NPR2: variants seen among roughly 807,000 people sequenced by gnomAD.
NPR2 encodes atrial natriuretic peptide receptor 2.
NPR2 carries 49 observed loss-of-function variants against 120.7 expected under a neutral mutation model. The observed-to-expected ratio is 0.41, with a 90% CI of 0.32 to 0.52. NPR2 has a LOEUF of 0.52. Ranked by LOEUF, NPR2 falls within the 20% of genes least tolerant of loss-of-function variation. NPR2 has a pLI of 0.36. For missense variants in NPR2, 931 were observed against 1,362.9 expected (o/e 0.68, Z 4.99); for synonymous variants, 484 against 519.8 (o/e 0.93, Z 0.94).
At position 35,800,999 on chromosome 9, in the gene NPR2, C is replaced by T. The variant is rs1461575751; in HGVS notation, c.1352-71C>T. 3.3e-6 allele frequency: 5 copies of T among 1,513,916 alleles called. No homozygotes were observed. In the African/African-American group the frequency reaches 5.5e-5, roughly 17 times the overall value. The allele number at this position is 1,513,916 out of a possible 1,614,324, so 93.8% of individuals were successfully genotyped here. A position where few individuals can be genotyped will look rare whatever the true frequency, so the allele number is the denominator to read the frequency against. On this transcript the variant is annotated intron_variant, in intron 6 of 21. Coordinates refer to ENST00000342694, the MANE Select transcript of NPR2 (RefSeq NM_003995.4). This position sits in a 1 kb window ranked among gnomAD's most constrained non-coding sequence, Gnocchi z 4.7. ...TACTCCCAAGGAGTCTGTCTATGCA[C>T]CTATGCACCCCGTTCTCCATTCTGC...
At position 35,806,244 on chromosome 9, in the gene NPR2, A is replaced by G; in HGVS notation, c.2372+11A>G. 6.2e-7 allele frequency: 1 copy of G among 1,614,094 alleles called. No individual in the cohort carries two copies. The highest frequency in any genetic ancestry group is 8.5e-7 in the Non-Finnish European group (1 of 1,179,998). On this transcript the variant is annotated intron_variant, in intron 15 of 21. Transcript: ENST00000342694. The surrounding 1 kb of genome is among the most constrained non-coding windows in gnomAD (Gnocchi z 4.6). ...TCGGCGCTTTAACAAGTGAGAGGGCATTATGGGGCAGGGGCTTCCCAGGGA... is the reference window on the plus strand; with the variant it reads ...TCGGCGCTTTAACAAGTGAGAGGGCGTTATGGGGCAGGGGCTTCCCAGGGA...
intron 2 of NPR2, among the ~76,000 whole-genome samples, chr9:35,797,101 G>T (rs1035822555): frequency 6.6e-5 from 10 of 152,174 alleles, no homozygotes; most frequent in African/African-American, 2.4e-4. Flanking sequence ...CCAGGGCAGG[G>T]ATCATGCTCA....
chr9:35,798,016 G>C (rs1351092863), intron 2 of NPR2, among the ~76,000 whole-genome samples: 1 of 152,114 alleles, frequency 6.6e-6, no homozygotes, highest in East Asian at 1.9e-4. Context: ...TAATTTCTAA[G>C]ATGGTCAATA....
In NPR2 at chr9:35,800,673, G is replaced by A. The variant is rs745308371; in HGVS notation, c.1219-36G>A. 5.0e-6 allele frequency: 8 copies of A among 1,613,984 alleles called. No homozygotes were observed. The highest frequency in any genetic ancestry group is 6.8e-6 in the Non-Finnish European group (8 of 1,180,010). ...GGGTCTGGGGAGGAGGCTGGTGGGA[G>A]CAGGCCTGTGGGCCCAGCTTTTTGC... On this transcript the variant is annotated intron_variant, in intron 5 of 21. Coordinates refer to ENST00000342694, the MANE Select transcript of NPR2 (RefSeq NM_003995.4). The surrounding 1 kb of genome is among the most constrained non-coding windows in gnomAD (Gnocchi z 4.7).
At chr9:35,798,190 C>T (rs1466527074) in intron 2 of NPR2, among the ~76,000 whole-genome samples, 1 of 152,218 alleles carries the variant, frequency 6.6e-6, no homozygotes, top group Non-Finnish European at 1.5e-5. Flanking sequence ...AACCTATCAT[C>T]AGCCTTTATT....
chr9:35,799,598 C>G lies in NPR2; in HGVS notation c.874-20C>G. On this transcript the variant is annotated intron_variant, in intron 2 of 21. Transcript: ENST00000342694. ...CTATCTTGAATCCTGTTCACTCTTCCCCATATGCTGCTGGTACAGACTGTA... is the reference window on the plus strand; with the variant it reads ...CTATCTTGAATCCTGTTCACTCTTCGCCATATGCTGCTGGTACAGACTGTA... 6.5e-7 allele frequency: 1 copy of G among 1,542,352 alleles called. No homozygotes were observed. The highest frequency in any genetic ancestry group is 9.0e-7 in the Non-Finnish European group (1 of 1,114,732).
rs769661213 is a variant in NPR2 at position 35,805,579 on chromosome 9, G to T, written c.1956G>T (p.Val652=). The T allele has an allele frequency of 3.7e-6, 6 of 1,614,144 alleles. No homozygotes were observed. The Admixed American group carries it at 8.3e-5, about 22-fold the overall frequency. Residue 652 remains valine, a synonymous_variant, in exon 13 of 22, where the codon GTG becomes GTT. Coordinates refer to ENST00000342694, the MANE Select transcript of NPR2 (RefSeq NM_003995.4). The surrounding 1 kb of genome is among the most constrained non-coding windows in gnomAD (Gnocchi z 4.9). The part of the protein sequence containing the change: ...HGSLKSSNCV[V]DSRFVLKITD... ...GTCTCAAGTCCTCCAACTGTGTGGT[G>T]GATAGTCGTTTTGTGCTCAAAATCA...
At position 35,800,702 on chromosome 9, in the gene NPR2, CT is replaced by C. The variant is rs771036010; in HGVS notation, c.1219-5del. The C allele has an allele frequency of 6.2e-7, 1 of 1,614,126 alleles. No individual in the cohort carries two copies. ...GCCTGTGGGCCCAGCTTTTTGCTTC[CT>C]TACAGCCTGCAGCCCACTACTCGGG... On this transcript the variant is annotated splice_polypyrimidine_tract_variant and splice_region_variant and intron_variant, in intron 5 of 21. Transcript: ENST00000342694. This position sits in a 1 kb window ranked among gnomAD's most constrained non-coding sequence, Gnocchi z 4.7.
chr9:35,807,634 A>T (rs1828474987), intron 18 of NPR2, among the ~76,000 whole-genome samples: 1 of 152,194 alleles, frequency 6.6e-6, no homozygotes, highest in African/African-American at 2.4e-5. Context: ...AACCATCATG[A>T]GATTTAGCTC....
In NPR2 at chr9:35,792,615, C is replaced by G. The variant is rs1174841168; in HGVS notation, c.207C>G (p.Ser69=). The change falls in exon 1 of 22, where the codon TCC becomes TCG. Residue 69 remains serine, a synonymous_variant. Coordinates refer to ENST00000342694, the MANE Select transcript of NPR2 (RefSeq NM_003995.4). The part of the protein sequence containing the change: ...ALPVDLRFVS[S]ELEGACSEYL... ...CCGTGGACCTGCGGTTTGTCAGCTCCGAACTGGAAGGCGCCTGCTCTGAGT... is the reference window on the plus strand; with the variant it reads ...CCGTGGACCTGCGGTTTGTCAGCTCGGAACTGGAAGGCGCCTGCTCTGAGT... 5.6e-6 allele frequency: 9 copies of G among 1,613,872 alleles called. No individual in the cohort carries two copies. In the Admixed American group the frequency reaches 1.3e-4, roughly 24 times the overall value.
Position 35,808,443 on chromosome 9 carries a change from C to A in NPR2, c.2713-66C>A, listed in dbSNP as rs1244230613. 1.3e-6 allele frequency: 2 copies of A among 1,539,802 alleles called. No homozygotes were observed. Among genetic ancestry groups the A allele is most frequent in the Non-Finnish European group, 1.8e-6 (2 of 1,114,476 alleles). On this transcript the variant is annotated intron_variant, in intron 18 of 21. Transcript: ENST00000342694. This position sits in a 1 kb window ranked among gnomAD's most constrained non-coding sequence, Gnocchi z 4.0. The stretch of plus-strand genomic sequence containing the variant: ...ATTAATGATGGTGTCAAGCTTGTCT[C>A]CCTCTACTTTTTCCCATCCCCATGG...
chr9:35,805,541 T>C lies in NPR2; in HGVS notation c.1918T>C (p.Ser640Pro), dbSNP rs771703881. The change falls in exon 13 of 22, where the codon TCA becomes CCA. Residue 640 changes from serine to proline, a missense_variant. Coordinates refer to ENST00000342694, the MANE Select transcript of NPR2 (RefSeq NM_003995.4). This position sits in a 1 kb window ranked among gnomAD's most constrained non-coding sequence, Gnocchi z 4.9. ...GGCCTTTCTCCACAACAGCATTATTTCATCGCATGGGAGTCTCAAGTCCTC... is the reference window on the plus strand; with the variant it reads ...GGCCTTTCTCCACAACAGCATTATTCCATCGCATGGGAGTCTCAAGTCCTC... ...GMAFLHNSII[S>P]SHGSLKSSNC... 1 of 1,614,198 alleles carries C rather than the reference T, an allele frequency of 6.2e-7. No individual in the cohort carries two copies. Among genetic ancestry groups the C allele is most frequent in the Non-Finnish European group, 8.5e-7 (1 of 1,180,024 alleles).
In NPR2 at chr9:35,800,300, G is replaced by T; in HGVS notation, c.1124-89G>T. ...TTGCCCACACCTCAAGATCGGGGAA[G>T]GGTAGACTCTGAGGGAGCCGTAGGC... On this transcript the variant is annotated intron_variant, in intron 4 of 21. Transcript: ENST00000342694. This position sits in a 1 kb window ranked among gnomAD's most constrained non-coding sequence, Gnocchi z 4.7. 1 of 1,425,992 alleles carries T rather than the reference G, an allele frequency of 7.0e-7. No homozygotes were observed. Among genetic ancestry groups the T allele is most frequent in the Admixed American group, 1.7e-5 (1 of 59,742 alleles). 88.3% of individuals were successfully genotyped at this position (1,425,992 alleles called of 1,614,324 possible). A position where few individuals can be genotyped will look rare whatever the true frequency, so the allele number is the denominator to read the frequency against.
intron 8 of NPR2, 63 bp downstream of exon 8, chr9:35,801,826 A>G: frequency 6.2e-7 from 1 of 1,611,626 alleles, no homozygotes; most frequent in South Asian, 1.1e-5. Flanking sequence ...CTTACCCTGG[A>G]TCTCTCCCAG....
intron 3 of NPR2, 64 bp from the exon 4 acceptor site, chr9:35,799,958 C>T: frequency 6.2e-7 from 1 of 1,609,548 alleles, no homozygotes; most frequent in Non-Finnish European, 8.5e-7. Context: ...AAGGGAGACC[C>T]CAGAGAGAGG....
chr9:35,807,485 C>G, intron 18 of NPR2, 87 bp downstream of exon 18: 1 of 1,053,610 alleles, frequency 9.5e-7, no homozygotes, highest in Non-Finnish European at 1.5e-6. Context: ...ACACACCTTA[C>G]CCACCCCATG....
At chr9:35,801,542 T>G (rs1263770734) in intron 7 of NPR2, 101 bp from the exon 8 acceptor site, 3 of 1,256,948 alleles carry the variant, frequency 2.4e-6, no homozygotes, top group South Asian at 1.2e-5. Flanking sequence ...GTGTAACAGT[T>G]GCAGCTTCAG....
chr9:35,808,977 T>C lies in NPR2; in HGVS notation c.2986+124T>C, dbSNP rs774346193. On this transcript the variant is annotated intron_variant, in intron 20 of 21. Transcript: ENST00000342694. The surrounding 1 kb of genome is among the most constrained non-coding windows in gnomAD (Gnocchi z 4.0). ...TTCCTTAGTGTCGCATCCTCGGGCA[T>C]ATTTTGGTTCTAATAGATATGCATT... 4 of 931,988 alleles carry C rather than the reference T, an allele frequency of 4.3e-6. No homozygotes were observed. Among genetic ancestry groups the C allele is most frequent in the East Asian group, 2.4e-5 (1 of 41,598 alleles). The allele number at this position is 931,988 out of a possible 1,614,324, so 57.7% of individuals were successfully genotyped here.
intron 2 of NPR2, among the ~76,000 whole-genome samples, chr9:35,798,472 C>T (rs1588056057): frequency 6.6e-6 from 1 of 152,120 alleles, no homozygotes; most frequent in Admixed American, 6.5e-5. Flanking sequence ...ATAATGAATG[C>T]ATATTAGAAA....
Sources: allele counts gnomAD v4.1 joint callset (sites outside exome capture counted in the v4.1 genomes callset), GRCh38; gene constraint gnomAD v4.1.1; non-coding constraint Gnocchi (gnomAD v3.1); transcripts MANE v1.5; gene names NCBI Gene and HGNC (gene_info 2026-07-23, HGNC 2026-07-21).